Variants in CASP10 observed in about 807,000 individuals in gnomAD.
CASP10 encodes the protein caspase-10.
In CASP10, 41 loss-of-function variants were observed where a neutral mutation model predicts 48.5. The ratio of observed to expected loss-of-function variants is 0.85; its 90% CI spans 0.66 to 1.10. CASP10 has a LOEUF of 1.10. CASP10 is among the 50% of genes least tolerant of loss of function. The pLI, the probability that CASP10 is intolerant of heterozygous loss-of-function variation, is 0.00. For missense variants in CASP10, 614 were observed against 614.5 expected (o/e 1.00, Z 0.01); for synonymous variants, 232 against 238.4 (o/e 0.97, Z 0.25).
chr2:201,185,727 T>C lies in CASP10; in HGVS notation c.-7-44T>C, dbSNP rs745721366. ...GCCTGGGAAGTCAGGGGGCCATATG[T>C]CCTCACTCTCTAACTCCCTGCCCCA... is the stretch of plus-strand genomic sequence containing the variant. On this transcript the variant is annotated intron_variant, in intron 1 of 9. Coordinates refer to ENST00000286186, the MANE Select transcript of CASP10 (RefSeq NM_032977.4). 3.9e-6 allele frequency: 5 copies of C among 1,288,558 alleles called. No homozygotes were observed. The South Asian group carries it at 5.9e-5, about 15-fold the overall frequency. 79.8% of individuals were successfully genotyped at this position (1,288,558 alleles called of 1,614,324 possible). A position where few individuals can be genotyped will look rare whatever the true frequency, so the allele number is the denominator to read the frequency against.
At chr2:201,193,735 G>GGAGT (rs1944693352) in intron 4 of CASP10, among the ~76,000 whole-genome samples, 1 of 152,146 alleles carries the variant, frequency 6.6e-6, no homozygotes, top group Non-Finnish European at 1.5e-5. Flanking sequence ...TTCTAATATG[G>GGAGT]GAGTGAGAGT....
chr2:201,208,967 T>A, intron 8 of CASP10, 103 bp from the exon 9 acceptor site: 1 of 1,318,952 alleles, frequency 7.6e-7, no homozygotes, highest in Non-Finnish European at 1.0e-6. Flanking sequence ...TGTGAGCCAC[T>A]GTGCCCGGCC....
intron 3 of CASP10, 142 bp from the exon 4 acceptor site, chr2:201,192,842 C>A: frequency 1.3e-6 from 1 of 783,192 alleles, no homozygotes; most frequent in Non-Finnish European, 2.2e-6. Context: ...TCTTCCCCTA[C>A]ATTCCTGAGC....
chr2:201,200,563 A>G, intron 5 of CASP10: 1 of 1,593,232 alleles, frequency 6.3e-7, no homozygotes, highest in Non-Finnish European at 8.5e-7. Flanking sequence ...GGCAATCAGG[A>G]CATGACACAG....
At chr2:201,197,122 G>A (rs1456995040) in intron 5 of CASP10, among the ~76,000 whole-genome samples, 1 of 149,948 alleles carries the variant, frequency 6.7e-6, no homozygotes, top group African/African-American at 2.4e-5. Context: ...ACAGCATACT[G>A]TATAATGTAT....
rs1559309872 is a variant in CASP10, at chr2:201,209,531, CTG to C, written c.1388_1389del (p.Cys463Ter). 1.2e-6 allele frequency: 2 copies of C among 1,612,018 alleles called. No individual in the cohort carries two copies. The highest frequency in any genetic ancestry group is 1.7e-6 in the Non-Finnish European group (2 of 1,179,428). ...GGAAGGCAGCTGGTATATTCAGTCT[CTG>C]TGTAATCATCTGAAGAAATTGGTCC... ...VEEGSWYIQS[L>X]CNHLKKLVPR... On this transcript the variant is annotated frameshift_variant, in exon 9 of 10. Coordinates refer to ENST00000286186, the MANE Select transcript of CASP10 (RefSeq NM_032977.4). LOFTEE classifies it low-confidence loss of function (END_TRUNC).
chr2:201,220,258 T>C lies in CASP10; in HGVS notation c.*2517T>C. 1.7e-6 allele frequency: 1 copy of C among 588,346 alleles called. No homozygotes were observed. The highest frequency in any genetic ancestry group is 2.1e-6 in the Non-Finnish European group (1 of 467,242). The allele number at this position is 588,346 out of a possible 1,614,324, so 36.4% of individuals were successfully genotyped here. A position where few individuals can be genotyped will look rare whatever the true frequency, so the allele number is the denominator to read the frequency against. ...ATGCATTTCAAGGAAATCACTTCTT[T>C]TCTAACAGCGAGCAGCCAGAAAGAG... On this transcript the variant is annotated 3_prime_UTR_variant, in exon 10 of 10. Transcript: ENST00000286186.
intron 5 of CASP10, among the ~76,000 whole-genome samples, chr2:201,199,559 C>T (rs983219484): frequency 6.8e-6 from 1 of 147,930 alleles, no homozygotes; most frequent in South Asian, 2.1e-4. Flanking sequence ...ATCCTTTAGT[C>T]TCCTTTAATC....
chr2:201,205,228 CTT>C (rs35121141), intron 6 of CASP10, among the ~76,000 whole-genome samples: 21 of 138,732 alleles, frequency 1.5e-4, no homozygotes, highest in Admixed American at 1.5e-4. Flanking sequence ...CTTTTCTTTT[CTT>C]TTTTTTTTTT....
rs1945702299 is a variant in CASP10 at position 201,220,766 on chromosome 2, C to G, written c.*3025C>G. 1 of 985,194 alleles carries G rather than the reference C, an allele frequency of 1.0e-6. No individual in the cohort carries two copies. Among genetic ancestry groups the G allele is most frequent in the South Asian group, 4.7e-5 (1 of 21,290 alleles). The allele number at this position is 985,194 out of a possible 1,614,324, so 61.0% of individuals were successfully genotyped here. ...CATGTGTCAGGATGATCTCCCAAAA[C>G]CGTGTTCATAACAGTCAGGGCCAAA... On this transcript the variant is annotated 3_prime_UTR_variant, in exon 10 of 10. Transcript: ENST00000286186.
chr2:201,199,561 C>T (rs1016314347), intron 5 of CASP10, among the ~76,000 whole-genome samples: 3 of 150,152 alleles, frequency 2.0e-5, no homozygotes, highest in African/African-American at 7.3e-5. Context: ...CCTTTAGTCT[C>T]CTTTAATCTT....
Position 201,209,474 on chromosome 2 carries a change from GT to G in CASP10, c.1328del (p.Val443AlafsTer24). 6.2e-7 allele frequency: 1 copy of G among 1,614,086 alleles called. No individual in the cohort carries two copies. The highest frequency in any genetic ancestry group is 8.5e-7 in the Non-Finnish European group (1 of 1,179,966). ...EADFLLGLAT[V>X]PGYVSFRHVE... ...TGACTTCCTACTTGGTCTGGCCACT[GT>G]CCCAGGCTATGTATCCTTTCGGCAT... is the stretch of plus-strand genomic sequence containing the variant. On this transcript the variant is annotated frameshift_variant, in exon 9 of 10. Transcript: ENST00000286186. LOFTEE classifies it high-confidence loss of function.
intron 9 of CASP10, among the ~76,000 whole-genome samples, chr2:201,210,596 T>C (rs1036409370): frequency 2.0e-5 from 3 of 152,164 alleles, no homozygotes; most frequent in Admixed American, 6.5e-5. Context: ...GAATTCAGGA[T>C]TGGAACCTTG....
chr2:201,205,429 C>G (rs1000630458), intron 6 of CASP10, among the ~76,000 whole-genome samples: 4 of 151,746 alleles, frequency 2.6e-5, no homozygotes, highest in Admixed American at 6.6e-5. Flanking sequence ...TGGGGTCTCA[C>G]TAAGTTGTCC....
At chr2:201,205,747 G>C in intron 6 of CASP10, 135 bp from the exon 7 acceptor site, 1 of 699,778 alleles carries the variant, frequency 1.4e-6, no homozygotes, top group East Asian at 2.8e-5. Context: ...CCATCAGGAA[G>C]GGCATGGTGG....
Position 201,200,430 on chromosome 2 carries a change from C to T in CASP10, c.685-3300C>T, listed in dbSNP as rs762034262. ...GCATTCTACTGTAAAGAAGGACCCT[C>T]CTTTCTCCCCAGGAAGGTGTTTTTG... On this transcript the variant is annotated intron_variant, in intron 5 of 9. Coordinates refer to ENST00000286186, the MANE Select transcript of CASP10 (RefSeq NM_032977.4). 13 of 1,597,666 alleles carry T rather than the reference C, an allele frequency of 8.1e-6. No individual in the cohort carries two copies. The East Asian group carries it at 2.9e-4, about 36-fold the overall frequency.
In CASP10 at chr2:201,217,737, T is replaced by C; in HGVS notation, c.1565T>C (p.Leu522Ser). The C allele has an allele frequency of 6.2e-7, 1 of 1,613,798 alleles. No homozygotes were observed. Among genetic ancestry groups the C allele is most frequent in the Non-Finnish European group, 8.5e-7 (1 of 1,179,818 alleles). Reference protein sequence around the residue: ...VFPVPLDALSL With the variant: ...VFPVPLDALSS ...CCTGTGCCCCTGGATGCACTTTCAT[T>C]ATAGCAGAGAGTTTTTGTTGGTTCT... The change falls in exon 10 of 10, where the codon TTA (leucine) becomes TCA (serine). Residue 522 changes from leucine to serine, a missense_variant. Physicochemically the swap from Leu to Ser is moderately radical, Grantham distance 145. Coordinates refer to ENST00000286186, the MANE Select transcript of CASP10 (RefSeq NM_032977.4).
chr2:201,191,539 A>T (rs909000635), intron 3 of CASP10, among the ~76,000 whole-genome samples: 3 of 152,202 alleles, frequency 2.0e-5, no homozygotes. Context: ...AGCAACACAG[A>T]TGTTTCCACA....
At chr2:201,217,330 C>T (rs529276730) in intron 9 of CASP10, among the ~76,000 whole-genome samples, 3 of 152,222 alleles carry the variant, frequency 2.0e-5, no homozygotes, top group African/African-American at 7.2e-5. Flanking sequence ...CTTTGGGAGG[C>T]CGAGGTGGGT....
Sources: allele counts gnomAD v4.1 joint callset (sites outside exome capture counted in the v4.1 genomes callset), GRCh38; gene constraint gnomAD v4.1.1; transcripts MANE v1.5; gene names NCBI Gene and HGNC (gene_info 2026-07-23, HGNC 2026-07-21).